The following IL37 variants were observed in gnomAD, a reference collection of about 807,000 sequenced individuals.
The protein encoded by IL37 is interleukin-37.
In IL37, 15 loss-of-function variants were observed where a neutral mutation model predicts 15.4. That is an observed-to-expected ratio of 0.98 (90% CI 0.65 to 1.50). The LOEUF (loss-of-function observed/expected upper bound fraction) is 1.50, where lower values mean the gene tolerates loss of function less well. IL37 is among the 40% of genes most tolerant of loss of function. The probability of loss-of-function intolerance (pLI) is 0.00; values close to 1 mark genes in which losing one functional copy is unlikely to be tolerated. For synonymous variants in IL37, 98 were observed against 97.4 expected (o/e 1.01, Z -0.03); for missense variants, 269 against 261.7 (o/e 1.03, Z -0.19).
rs748881745 is a variant in IL37, at chr2:112,918,712, T to C, written c.560T>C (p.Val187Ala). 6.2e-7 allele frequency: 1 copy of C among 1,614,076 alleles called. No homozygotes were observed. Among genetic ancestry groups the C allele is most frequent in the Non-Finnish European group, 8.5e-7 (1 of 1,180,006 alleles). Residue 187 changes from valine to alanine, a missense_variant, in exon 6 of 6, where the codon GTT (valine) becomes GCT (alanine). Coordinates refer to ENST00000263326, the MANE Select transcript of IL37 (RefSeq NM_014439.4). ...ACCTCCTGCAATTGTAATGAGCCTGTTGGGGTGACAGATAAATTTGAGAAC... is the reference window on the plus strand; with the variant it reads ...ACCTCCTGCAATTGTAATGAGCCTGCTGGGGTGACAGATAAATTTGAGAAC... ...ICTSCNCNEPVGVTDKFENRK... is the reference protein window; with the variant it reads ...ICTSCNCNEPAGVTDKFENRK...
At chr2:112,915,609 ACT>A (rs1468192931) in intron 3 of IL37, among the ~76,000 whole-genome samples, 1 of 152,142 alleles carries the variant, frequency 6.6e-6, no homozygotes, top group Non-Finnish European at 1.5e-5. Flanking sequence ...TAGCTCGGTG[ACT>A]CTCAGTCAAC....
chr2:112,918,438 A>G, intron 5 of IL37, 123 bp from the exon 6 acceptor site: 1 of 1,124,420 alleles, frequency 8.9e-7, no homozygotes, highest in South Asian at 1.7e-5. Context: ...ATCTTTCCCA[A>G]GGACCATCTG....
In IL37 at chr2:112,918,848, C is replaced by T; in HGVS notation, c.*39C>T. Reference sequence around the variant, plus strand: ...TGAACGCCTTCCTCGCTAATTTGAACTAATTGTATAAAAACACCAAACCTG... The same window carrying T: ...TGAACGCCTTCCTCGCTAATTTGAATTAATTGTATAAAAACACCAAACCTG... On this transcript the variant is annotated 3_prime_UTR_variant, in exon 6 of 6. Transcript: ENST00000263326. 1 of 1,581,708 alleles carries T rather than the reference C, an allele frequency of 6.3e-7. No individual in the cohort carries two copies.
At position 112,913,024 on chromosome 2, in the gene IL37, G is replaced by T. The variant is rs149643819; in HGVS notation, c.12G>T (p.Val4=). The T allele has an allele frequency of 4.3e-5, 68 of 1,583,578 alleles. No homozygotes were observed. Among genetic ancestry groups the T allele is most frequent in the South Asian group, 1.2e-4 (10 of 85,416 alleles). Residue 4 remains valine, a synonymous_variant, in exon 2 of 6, where the codon GTG becomes GTT. Transcript: ENST00000263326. MSF[V]GENSGVKMGS... ...ACTCAACGTTGAAAATGTCCTTTGTGGGGGAGAACTCAGGAGTGAAAATGG... is the reference window on the plus strand; with the variant it reads ...ACTCAACGTTGAAAATGTCCTTTGTTGGGGAGAACTCAGGAGTGAAAATGG...
chr2:112,917,142 G>T lies in IL37; in HGVS notation c.159G>T (p.Lys53Asn). Reference protein sequence around the residue: ...MNFVHTSPKVKNLNPKKFSIH... With the variant: ...MNFVHTSPKVNNLNPKKFSIH... ...ATATTGATCTAGGTCCAAAGGTGAAGAACTTAAACCCGAAGAAATTCAGCA... is the reference window on the plus strand; with the variant it reads ...ATATTGATCTAGGTCCAAAGGTGAATAACTTAAACCCGAAGAAATTCAGCA... Residue 53 changes from lysine to asparagine, a missense_variant, in exon 4 of 6, where the codon AAG (lysine) becomes AAT (asparagine). By Grantham distance (94) the Lys-to-Asn change is moderately conservative (BLOSUM62 0). Coordinates refer to ENST00000263326, the MANE Select transcript of IL37 (RefSeq NM_014439.4). 1 of 1,614,018 alleles carries T rather than the reference G, an allele frequency of 6.2e-7. No homozygotes were observed. The highest frequency in any genetic ancestry group is 1.1e-5 in the South Asian group (1 of 91,040).
chr2:112,913,122 G>A (rs1420952863), intron 2 of IL37, 28 bp downstream of exon 2: 3 of 1,458,176 alleles, frequency 2.1e-6, no homozygotes, highest in Non-Finnish European at 2.8e-6. Context: ...ATCTACCTCA[G>A]GGCCAAAGTG....
At chr2:112,913,466 C>G (rs1683225650) in intron 2 of IL37, among the ~76,000 whole-genome samples, 1 of 152,162 alleles carries the variant, frequency 6.6e-6, no homozygotes, top group Admixed American at 6.5e-5. Context: ...AACAAATGAC[C>G]CAGGCACAGG....
chr2:112,913,864 C>G lies in IL37; in HGVS notation c.145+10C>G, dbSNP rs375647231. On this transcript the variant is annotated intron_variant, in intron 3 of 5. Transcript: ENST00000263326. ...AATTTTGTTCACACAAGTAAGGCCTCGGGGTGAGGTGATGGGGGTGGCTGA... is the reference window on the plus strand; with the variant it reads ...AATTTTGTTCACACAAGTAAGGCCTGGGGGTGAGGTGATGGGGGTGGCTGA... 3.1e-6 allele frequency: 5 copies of G among 1,606,702 alleles called. No individual in the cohort carries two copies. The highest frequency in any genetic ancestry group is 4.3e-6 in the Non-Finnish European group (5 of 1,175,138).
intron 2 of IL37, among the ~76,000 whole-genome samples, chr2:112,913,308 G>A (rs1301056491): frequency 6.6e-6 from 1 of 152,216 alleles, no homozygotes; most frequent in Non-Finnish European, 1.5e-5. Flanking sequence ...GTAGATAAAA[G>A]GATCGTCCTC....
chr2:112,917,877 C>T (rs1406808433), intron 5 of IL37, 100 bp downstream of exon 5: 1 of 1,278,510 alleles, frequency 7.8e-7, no homozygotes, highest in African/African-American at 1.5e-5. Context: ...TTATCTTGGC[C>T]AATATAACAG....
intron 3 of IL37, among the ~76,000 whole-genome samples, chr2:112,914,266 A>C (rs1233160565): frequency 1.3e-5 from 2 of 152,158 alleles, no homozygotes; most frequent in Non-Finnish European, 2.9e-5. Context: ...CCTTCCTCTC[A>C]TGCTGCCATT....
Position 112,917,729 on chromosome 2 carries a change from C to T in IL37, c.360C>T (p.Leu120=). 3.1e-6 allele frequency: 5 copies of T among 1,614,118 alleles called. No homozygotes were observed. In the South Asian group the frequency reaches 5.5e-5, roughly 18 times the overall value. ...LLGVSKGEFC[L]YCDKDKGQSH... ...GGGTCTCTAAAGGGGAGTTTTGTCT[C>T]TACTGTGACAAGGATAAAGGACAAA... is the stretch of plus-strand genomic sequence containing the variant. Residue 120 remains leucine (L), a synonymous_variant, in exon 5 of 6, where the codon CTC becomes CTT. Coordinates refer to ENST00000263326, the MANE Select transcript of IL37 (RefSeq NM_014439.4).
intron 5 of IL37, 152 bp from the exon 6 acceptor site, chr2:112,918,409 G>A (rs991044271): frequency 7.4e-6 from 6 of 807,772 alleles, no homozygotes; most frequent in Non-Finnish European, 1.1e-5. Context: ...TTAAATACCA[G>A]TACCAAGGCT....
intron 2 of IL37, 59 bp downstream of exon 2, chr2:112,913,153 T>C (rs1220845605): frequency 5.0e-6 from 6 of 1,204,874 alleles, no homozygotes; most frequent in African/African-American, 3.2e-5. Flanking sequence ...AGCAGAACTT[T>C]GCTAGGTGCT....
chr2:112,917,056 T>G lies in IL37; in HGVS notation c.146-73T>G, dbSNP rs1037934278. 1.5e-5 allele frequency: 23 copies of G among 1,572,286 alleles called. No homozygotes were observed. The Admixed American group carries it at 3.9e-4, about 27-fold the overall frequency. On this transcript the variant is annotated intron_variant, in intron 3 of 5. Transcript: ENST00000263326. ...GGTGGAGAGCTAGGGCTGGGGCCCT[T>G]GGACGTGGGGAAGAAAGGGCTGAGT...
At chr2:112,917,339 C>A in intron 4 of IL37, 91 bp downstream of exon 4, 2 of 1,423,672 alleles carry the variant, frequency 1.4e-6, no homozygotes, top group Non-Finnish European at 1.9e-6. Context: ...TATACCATGC[C>A]CCATCTCCAG....
Position 112,913,076 on chromosome 2 carries a change from C to A in IL37, c.64C>A (p.Pro22Thr), listed in dbSNP as rs1489179993. 3 of 1,564,242 alleles carry A rather than the reference C, an allele frequency of 1.9e-6. No individual in the cohort carries two copies. Among genetic ancestry groups the A allele is most frequent in the South Asian group, 2.4e-5 (2 of 82,276 alleles). ...CTCTGAGGACTGGGAAAAAGATGAA[C>A]CCCAGTGCTGCTTAGAAGGTAAGGT... ...MGSEDWEKDE[P>T]QCCLEDPAGS... Residue 22 changes from proline to threonine, a missense_variant, in exon 2 of 6, where the codon CCC becomes ACC. Physicochemically the swap from Pro to Thr is conservative, Grantham distance 38. Transcript: ENST00000263326.
At chr2:112,918,504 T>G in intron 5 of IL37, 57 bp from the exon 6 acceptor site, 1 of 1,550,832 alleles carries the variant, frequency 6.4e-7, no homozygotes, top group South Asian at 1.2e-5. Context: ...GCACATGTGC[T>G]GTGTTTTCCT....
chr2:112,912,813 A>G (rs1683205690), intron 1 of IL37, among the ~76,000 whole-genome samples, 150 bp from the exon 2 acceptor site: 1 of 152,172 alleles, frequency 6.6e-6, no homozygotes, highest in Non-Finnish European at 1.5e-5. Flanking sequence ...TAGACAGGAG[A>G]GCATGGTCTG....
Sources: allele counts gnomAD v4.1 joint callset (sites outside exome capture counted in the v4.1 genomes callset), GRCh38; gene constraint gnomAD v4.1.1; transcripts MANE v1.5; gene names NCBI Gene and HGNC (gene_info 2026-07-23, HGNC 2026-07-21).